The following RNF13 variants were observed in gnomAD, a reference collection of about 807,000 sequenced individuals.
RNF13 encodes ring finger protein 13, also known as E3 ubiquitin-protein ligase RNF13.
Under a neutral mutation model 37.7 loss-of-function variants are expected in RNF13, and 19 were observed. The ratio of observed to expected loss-of-function variants is 0.50; its 90% CI spans 0.35 to 0.74. The LOEUF (loss-of-function observed/expected upper bound fraction) is 0.74, where lower values mean the gene tolerates loss of function less well. Ranked by LOEUF, RNF13 falls within the 30% of genes least tolerant of loss-of-function variation. The pLI is 0.01. For missense variants in RNF13, 375 were observed against 453.0 expected (o/e 0.83, Z 1.56); for synonymous variants, 144 against 157.8 (o/e 0.91, Z 0.65).
At chr3:149,911,829 A>C in intron 6 of RNF13, 149 bp from the exon 7 acceptor site, 1 of 594,388 alleles carries the variant, frequency 1.7e-6, no homozygotes. Flanking sequence ...AAATTATTGA[A>C]AGTCATATTT....
At chr3:149,958,482 T>G (rs1000962047) in intron 8 of RNF13, among the ~76,000 whole-genome samples, 2 of 152,184 alleles carry the variant, frequency 1.3e-5, no homozygotes, top group African/African-American at 2.4e-5. Flanking sequence ...TGTGATCACA[T>G]TGAGCTCACA....
chr3:149,934,704 GGAGTGCA>G (rs1469279875), intron 8 of RNF13, among the ~76,000 whole-genome samples: 1 of 151,098 alleles, frequency 6.6e-6, no homozygotes, highest in Non-Finnish European at 1.5e-5. Flanking sequence ...GCTCAAGGCT[GGAGTGCA>G]GTTGCACAAT....
intron 1 of RNF13, among the ~76,000 whole-genome samples, chr3:149,843,681 C>T (rs2108369268): frequency 6.6e-6 from 1 of 152,320 alleles, no homozygotes; most frequent in Non-Finnish European, 1.5e-5. Flanking sequence ...GTACTTTACT[C>T]TTCGAACATC....
chr3:149,889,864 AG>A (rs986178176), intron 4 of RNF13, among the ~76,000 whole-genome samples: 3 of 151,832 alleles, frequency 2.0e-5, no homozygotes, highest in African/African-American at 7.3e-5. Context: ...CATGTTGGCC[AG>A]ACTAGTCCCG....
At chr3:149,882,992 C>T (rs925213091) in intron 4 of RNF13, among the ~76,000 whole-genome samples, 1 of 151,932 alleles carries the variant, frequency 6.6e-6, no homozygotes, top group Non-Finnish European at 1.5e-5. Context: ...TAAAATAAGC[C>T]CCATATTTTA....
At position 149,961,086 on chromosome 3, in the gene RNF13, C is replaced by T. The variant is rs764294510; in HGVS notation, c.1128C>T (p.Asn376=). 3.7e-6 allele frequency: 6 copies of T among 1,609,304 alleles called. No homozygotes were observed. In the East Asian group the frequency reaches 1.3e-4, roughly 36 times the overall value. The change falls in exon 10 of 10, where the codon AAC becomes AAT. Residue 376 remains asparagine, a synonymous_variant. Transcript: ENST00000392894. ...QLQPNGERDY[N]IANTV ...AGCCTAATGGTGAACGGGATTACAA[C>T]ATAGCAAATACTGTTTGACTTTCAG...
chr3:149,956,043 C>G (rs71304498), intron 8 of RNF13, among the ~76,000 whole-genome samples: 6 of 151,980 alleles, frequency 3.9e-5, no homozygotes, highest in African/African-American at 1.5e-4. Flanking sequence ...AAGGATGAAG[C>G]ATGAATGAAG....
At position 149,895,544 on chromosome 3, in the gene RNF13, C is replaced by T. The variant is rs772769215; in HGVS notation, c.393C>T (p.Ser131=). ...VHNVDSDDLI[S]MGSNDIEVLK... is the part of the protein sequence containing the mutation. Reference sequence around the variant, plus strand: ...ATGTTGATTCTGATGACCTCATTAGCATGGGATCCAACGACAGTAAGTACA... The same window carrying T: ...ATGTTGATTCTGATGACCTCATTAGTATGGGATCCAACGACAGTAAGTACA... The change falls in exon 5 of 10, where the codon AGC becomes AGT. Residue 131 remains serine (S), a synonymous_variant. Coordinates refer to ENST00000392894, the MANE Select transcript of RNF13 (RefSeq NM_183381.3). 93 of 1,601,698 alleles carry T rather than the reference C, an allele frequency of 5.8e-5. No homozygotes were observed. The East Asian group carries it at 2.0e-3, about 35-fold the overall frequency.
intron 1 of RNF13, among the ~76,000 whole-genome samples, chr3:149,831,791 A>G (rs888840721): frequency 1.3e-5 from 2 of 152,166 alleles, no homozygotes; most frequent in African/African-American, 4.8e-5. Flanking sequence ...CTAATACAGT[A>G]TGTGTTAGAA....
intron 1 of RNF13, chr3:149,822,671 G>A (rs1190701531): frequency 6.6e-6 from 1 of 152,000 alleles, no homozygotes; most frequent in Non-Finnish European, 1.5e-5. Flanking sequence ...TTCCATTTCT[G>A]GTATCACGTT....
In RNF13 at chr3:149,859,129, G is replaced by C. The variant is rs146241490; in HGVS notation, c.195+6533G>C. On this transcript the variant is annotated intron_variant, in intron 3 of 9. Coordinates refer to ENST00000392894, the MANE Select transcript of RNF13 (RefSeq NM_183381.3). Reference sequence around the variant, plus strand: ...GCCCTGGTTAAGGCTCAATGTGCTGGACTTCCTCACCCTTATGTTACAGTA... The same window carrying C: ...GCCCTGGTTAAGGCTCAATGTGCTGCACTTCCTCACCCTTATGTTACAGTA... 3.0e-4 allele frequency among the ~76,000 whole-genome samples: 45 copies of C among 152,244 alleles called. 1 individual carries two copies. The highest frequency in any genetic ancestry group is 1.0e-3 in the African/African-American group (42 of 41,552).
chr3:149,887,308 A>G (rs1714160228), intron 4 of RNF13, among the ~76,000 whole-genome samples: 1 of 152,170 alleles, frequency 6.6e-6, no homozygotes, highest in Admixed American at 6.5e-5. Flanking sequence ...CAGTAAGGAA[A>G]CACAAGACTT....
intron 1 of RNF13, among the ~76,000 whole-genome samples, chr3:149,818,316 A>G (rs1719670776): frequency 6.6e-6 from 1 of 152,196 alleles, no homozygotes; most frequent in Non-Finnish European, 1.5e-5. Flanking sequence ...TTTTTCTCGT[A>G]CTATGTATTT....
At chr3:149,890,290 A>G (rs1337696978) in intron 4 of RNF13, among the ~76,000 whole-genome samples, 1 of 152,188 alleles carries the variant, frequency 6.6e-6, no homozygotes, top group Non-Finnish European at 1.5e-5. Context: ...TGTTTTAGCC[A>G]TGTCAACCCC....
At chr3:149,958,492 A>G (rs1722075064) in intron 8 of RNF13, among the ~76,000 whole-genome samples, 1 of 152,212 alleles carries the variant, frequency 6.6e-6, no homozygotes, top group Admixed American at 6.5e-5. Flanking sequence ...TTGAGCTCAC[A>G]TGGATAATAC....
chr3:149,845,828 G>A (rs1722590912), intron 1 of RNF13, 183 bp from the exon 2 acceptor site: 1 of 492,898 alleles, frequency 2.0e-6, no homozygotes, highest in Middle Eastern at 5.5e-4. Flanking sequence ...AAACATGGGT[G>A]TTTACCTAAA....
chr3:149,933,639 A>G (rs959646529), intron 8 of RNF13, among the ~76,000 whole-genome samples: 3 of 146,368 alleles, frequency 2.0e-5, no homozygotes, highest in African/African-American at 7.7e-5. Flanking sequence ...GCTAGAGTGC[A>G]GTGGTGTGAT....
intron 3 of RNF13, among the ~76,000 whole-genome samples, chr3:149,853,541 T>C (rs1723350944): frequency 6.6e-6 from 1 of 150,806 alleles, no homozygotes; most frequent in Admixed American, 6.6e-5. Context: ...GAAATGAAAG[T>C]GTCCTTGTGC....
intron 1 of RNF13, among the ~76,000 whole-genome samples, chr3:149,818,580 G>C (rs1719700940): frequency 6.6e-6 from 1 of 152,176 alleles, no homozygotes; most frequent in Non-Finnish European, 1.5e-5. Context: ...AATGTGGCAT[G>C]TATTAAGGAC....
Sources: allele counts gnomAD v4.1 joint callset (sites outside exome capture counted in the v4.1 genomes callset), GRCh38; gene constraint gnomAD v4.1.1; transcripts MANE v1.5; gene names NCBI Gene and HGNC (gene_info 2026-07-23, HGNC 2026-07-21).